Variants in TLN2 observed in about 807,000 individuals in gnomAD.
TLN2 encodes talin-2.
TLN2 carries 118 observed loss-of-function variants against 294.7 expected under a neutral mutation model. The ratio of observed to expected loss-of-function variants is 0.40; its 90% CI spans 0.34 to 0.47. The LOEUF (loss-of-function observed/expected upper bound fraction) is 0.47. TLN2 is among the 20% of genes least tolerant of loss of function. TLN2 has a pLI of 0.84. For synonymous variants in TLN2, 1,431 were observed against 1,304.5 expected, an observed-to-expected ratio of 1.10 and a Z score of -2.09; for missense variants, 3,083 against 3,282.2, an observed-to-expected ratio of 0.94 and a Z score of 1.48.
At chr15:62,727,340 C>A in intron 28 of TLN2, 151 bp downstream of exon 28, 1 of 672,334 alleles carries the variant, frequency 1.5e-6, no homozygotes, top group Non-Finnish European at 2.5e-6. Flanking sequence ...TGCTTGTTAC[C>A]GGGCTTGATA....
intron 1 of TLN2, among the ~76,000 whole-genome samples, chr15:62,442,676 TTTTC>T (rs1226459085): frequency 6.6e-6 from 1 of 152,010 alleles, no homozygotes; most frequent in African/African-American, 2.4e-5. Flanking sequence ...AAAATTTGTT[TTTTC>T]TTTCTCTATA....
At chr15:62,587,531 A>C (rs1016501223) in intron 1 of TLN2, among the ~76,000 whole-genome samples, 2 of 152,228 alleles carry the variant, frequency 1.3e-5, no homozygotes, top group Non-Finnish European at 2.9e-5. Flanking sequence ...TCATATCAAT[A>C]AATATAGACC....
intron 1 of TLN2, among the ~76,000 whole-genome samples, chr15:62,588,896 C>G (rs1254543186): frequency 6.7e-6 from 1 of 150,104 alleles, no homozygotes; most frequent in Non-Finnish European, 1.5e-5. Flanking sequence ...AGTACTGGTA[C>G]TCATTTGCTT....
chr15:62,797,196 C>T, intron 47 of TLN2, 23 bp from the exon 48 acceptor site: 2 of 1,613,940 alleles, frequency 1.2e-6, no homozygotes, highest in Non-Finnish European at 1.7e-6. Context: ...TCCCCCTCTC[C>T]CCTGCCCTCC....
intron 1 of TLN2, among the ~76,000 whole-genome samples, chr15:62,510,060 G>T (rs374881374): frequency 6.6e-5 from 10 of 152,224 alleles, no homozygotes; most frequent in African/African-American, 2.4e-4. Context: ...GATCTTCCCA[G>T]TAGTCTGTAT....
chr15:62,695,344 C>G (rs747085772), intron 14 of TLN2, among the ~76,000 whole-genome samples: 3 of 152,168 alleles, frequency 2.0e-5, no homozygotes, highest in Non-Finnish European at 2.9e-5. Context: ...GAAGGTCTAG[C>G]GATGGGGACA....
At chr15:62,582,745 G>A (rs1596240291) in intron 1 of TLN2, among the ~76,000 whole-genome samples, 1 of 152,176 alleles carries the variant, frequency 6.6e-6, no homozygotes, top group South Asian at 2.1e-4. Context: ...ACTTGGCCTT[G>A]AGTTTGTAGG....
intron 1 of TLN2, among the ~76,000 whole-genome samples, chr15:62,495,448 G>A (rs2038966646): frequency 6.6e-6 from 1 of 152,182 alleles, no homozygotes; most frequent in Non-Finnish European, 1.5e-5. Flanking sequence ...CCTCTCATGG[G>A]AATGGCATTT....
Position 62,431,470 on chromosome 15 carries a change from A to G in TLN2, c.-238+40785A>G, listed in dbSNP as rs79038762. On this transcript the variant is annotated intron_variant, in intron 1 of 58. Coordinates refer to ENST00000636159, the MANE Select transcript of TLN2 (RefSeq NM_015059.3). The stretch of plus-strand genomic sequence containing the variant: ...ATACTTACATAATTAGGCAATTTAA[A>G]CATATGTCATATCCCGAAGTCACCG... Among the ~76,000 whole-genome samples, 104 of 152,330 alleles carry G rather than the reference A, an allele frequency of 6.8e-4. 1 individual carries two copies. Among genetic ancestry groups the G allele is most frequent in the African/African-American group, 2.4e-3 (101 of 41,578 alleles).
chr15:62,837,678 A>G (rs1391901446), intron 57 of TLN2, among the ~76,000 whole-genome samples: 1 of 152,216 alleles, frequency 6.6e-6, no homozygotes, highest in African/African-American at 2.4e-5. Context: ...GCTAGCTACA[A>G]AATGTTAGGT....
At chr15:62,663,971 T>G (rs1033744502) in intron 9 of TLN2, among the ~76,000 whole-genome samples, 3 of 151,952 alleles carry the variant, frequency 2.0e-5, no homozygotes, top group Non-Finnish European at 2.9e-5. Flanking sequence ...TCAAGAATGG[T>G]AAAGACTAAT....
chr15:62,745,292 A>T (rs186316731), intron 32 of TLN2, among the ~76,000 whole-genome samples: 14 of 152,286 alleles, frequency 9.2e-5, no homozygotes, highest in African/African-American at 3.1e-4. Context: ...GTATTTTTAA[A>T]AATGAACTTA....
chr15:62,680,268 C>T (rs938971198), intron 11 of TLN2, among the ~76,000 whole-genome samples: 3 of 152,142 alleles, frequency 2.0e-5, no homozygotes, highest in African/African-American at 7.2e-5. Context: ...AGATAATTGA[C>T]ATTTTTATTC....
chr15:62,641,039 T>C (rs1428367286), intron 3 of TLN2, among the ~76,000 whole-genome samples: 1 of 151,390 alleles, frequency 6.6e-6, no homozygotes, highest in Non-Finnish European at 1.5e-5. Flanking sequence ...TGACCTCAGG[T>C]AATCTACCCA....
chr15:62,731,610 C>G (rs2060729559), intron 28 of TLN2, among the ~76,000 whole-genome samples: 1 of 152,166 alleles, frequency 6.6e-6, no homozygotes, highest in African/African-American at 2.4e-5. Context: ...GGGCTCAGAA[C>G]TATGCTTTTT....
chr15:62,806,696 G>A (rs2066309075), intron 51 of TLN2, among the ~76,000 whole-genome samples: 1 of 152,184 alleles, frequency 6.6e-6, no homozygotes, highest in Non-Finnish European at 1.5e-5. Context: ...TATTAGGAAA[G>A]TGAACTATAA....
chr15:62,673,973 G>C, intron 10 of TLN2, 83 bp downstream of exon 10: 1 of 1,036,200 alleles, frequency 9.7e-7, no homozygotes, highest in Non-Finnish European at 1.5e-6. Flanking sequence ...GCGCATGGTA[G>C]TTTTATACCT....
At chr15:62,733,560 G>T (rs1258883326) in intron 28 of TLN2, among the ~76,000 whole-genome samples, 6 of 152,146 alleles carry the variant, frequency 3.9e-5, no homozygotes, top group Non-Finnish European at 8.8e-5. Flanking sequence ...AAATACTTTG[G>T]AACAGATAAA....
intron 44 of TLN2, 77 bp from the exon 45 acceptor site, chr15:62,783,694 T>G (rs1047880528): frequency 2.7e-6 from 4 of 1,485,138 alleles, no homozygotes; most frequent in Non-Finnish European, 3.6e-6. Context: ...CCAGTGATAT[T>G]AACACATGGT....
Sources: gnomAD v4.1 joint callset for allele counts (sites outside exome capture counted in the v4.1 genomes callset) on GRCh38, gnomAD v4.1.1 for gene constraint, MANE v1.5 for transcripts, NCBI Gene and HGNC (gene_info 2026-07-23, HGNC 2026-07-21) for gene names.